MED12L: variants seen among roughly 807,000 people sequenced by gnomAD.
The protein encoded by MED12L is mediator complex subunit 12L.
A neutral mutation model predicts 281.3 loss-of-function variants in MED12L; 60 were observed. The ratio of observed to expected loss-of-function variants is 0.21; its 90% CI spans 0.17 to 0.26. The LOEUF is 0.26. Among genes scored for constraint, MED12L ranks in the 10% least tolerant of loss-of-function variants. The pLI is 1.00. For missense variants in MED12L, 2,146 were observed against 2,680.9 expected, an observed-to-expected ratio of 0.80 and a Z score of 4.41; for synonymous variants, 974 against 987.2, an observed-to-expected ratio of 0.99 and a Z score of 0.25.
intron 16 of MED12L, among the ~76,000 whole-genome samples, chr3:151,251,832 C>T (rs558821917): frequency 3.3e-5 from 5 of 152,240 alleles, no homozygotes; most frequent in South Asian, 2.1e-4. Context: ...TGTGTACTTG[C>T]TTCTCAGTCT....
chr3:151,231,423 A>G (rs4680256), intron 16 of MED12L, among the ~76,000 whole-genome samples: 46,293 of 152,184 alleles, frequency 0.3, 7,173 homozygotes, highest in South Asian at 0.33. Flanking sequence ...TGAATGATCC[A>G]ACTTACCAAA....
chr3:151,248,855 TCTTA>T (rs758365407), intron 16 of MED12L: 5 of 152,172 alleles, frequency 3.3e-5, no homozygotes, highest in Non-Finnish European at 7.3e-5. Flanking sequence ...GATGGAATTT[TCTTA>T]CTTACCAATT....
chr3:151,201,966 G>T (rs574497016), intron 16 of MED12L, among the ~76,000 whole-genome samples: 1 of 152,298 alleles, frequency 6.6e-6, no homozygotes, highest in African/African-American at 2.4e-5. Context: ...GACGTATATG[G>T]TAAAGAGAAG....
chr3:151,385,312 T>A (rs1176845054), intron 36 of MED12L, 121 bp downstream of exon 36: 3 of 586,872 alleles, frequency 5.1e-6, no homozygotes, highest in Non-Finnish European at 5.7e-6. Flanking sequence ...TTAAGGCATA[T>A]GCTTGTCTTC....
intron 39 of MED12L, among the ~76,000 whole-genome samples, chr3:151,407,791 A>G (rs1716500029): frequency 6.6e-6 from 1 of 152,202 alleles, no homozygotes; most frequent in South Asian, 2.1e-4. Flanking sequence ...GGTACACTCA[A>G]AAATTTATGT....
At chr3:151,222,252 A>T (rs530396496) in intron 16 of MED12L, among the ~76,000 whole-genome samples, 3 of 152,314 alleles carry the variant, frequency 2.0e-5, no homozygotes, top group African/African-American at 7.2e-5. Flanking sequence ...CTTGTCTGGG[A>T]TGAGACTCTG....
At chr3:151,187,015 T>C (rs1394995641) in intron 12 of MED12L, among the ~76,000 whole-genome samples, 4 of 152,312 alleles carry the variant, frequency 2.6e-5, no homozygotes, top group African/African-American at 9.6e-5. Context: ...AAAAATGAAA[T>C]AGGAAGAACA....
Position 151,436,103 on chromosome 3 carries a change from A to C in MED12L, c.*3299A>C, listed in dbSNP as rs1157378445. The C allele has an allele frequency of 1.3e-5, 2 of 152,278 alleles. No individual in the cohort carries two copies. The highest frequency in any genetic ancestry group is 6.5e-5 in the Admixed American group (1 of 15,290). The allele number at this position is 152,278 out of a possible 1,614,324, so 9.4% of individuals were successfully genotyped here. ...TTTACATGTGGAAAAGTGAGCCTGC[A>C]TTTATTTTTAAATGCAGTTATTAAA... On this transcript the variant is annotated 3_prime_UTR_variant, in exon 45 of 45. Transcript: ENST00000687756.
chr3:151,355,208 CAT>C lies in MED12L; in HGVS notation c.2489_2490del (p.Tyr830PhefsTer2). Reference sequence around the variant, plus strand: ...GTGTTCACTAAACTCCAGCTCCTTTCATATTTTGATCAACATCAAGTGACATC... The same window carrying C: ...GTGTTCACTAAACTCCAGCTCCTTTCATTTTGATCAACATCAAGTGACATC... On this transcript the variant is annotated frameshift_variant, in exon 18 of 45. Coordinates refer to ENST00000687756, the MANE Select transcript of MED12L (RefSeq NM_001393769.1). LOFTEE classifies it high-confidence loss of function. 1 of 1,613,320 alleles carries C rather than the reference CAT, an allele frequency of 6.2e-7. No homozygotes were observed. Among genetic ancestry groups the C allele is most frequent in the East Asian group, 2.2e-5 (1 of 44,824 alleles).
At chr3:151,303,488 C>T (rs1005910641) in intron 16 of MED12L, among the ~76,000 whole-genome samples, 1 of 152,172 alleles carries the variant, frequency 6.6e-6, no homozygotes, top group South Asian at 2.1e-4. Context: ...GTCGGCCATG[C>T]ATGGTGGCTC....
At chr3:151,363,836 A>G (rs1009789719) in intron 21 of MED12L, among the ~76,000 whole-genome samples, 13 of 152,174 alleles carry the variant, frequency 8.5e-5, no homozygotes, top group Admixed American at 8.5e-4. Flanking sequence ...GTGATTCTCA[A>G]GGAATAGAGC....
At chr3:151,279,028 C>T (rs1742370120) in intron 16 of MED12L, among the ~76,000 whole-genome samples, 1 of 152,202 alleles carries the variant, frequency 6.6e-6, no homozygotes. Flanking sequence ...TAGTTCCTTT[C>T]AGGCTCTGTA....
intron 5 of MED12L, among the ~76,000 whole-genome samples, chr3:151,129,793 T>G (rs1054863603): frequency 6.6e-6 from 1 of 151,384 alleles, no homozygotes; most frequent in Admixed American, 6.6e-5. Flanking sequence ...TTTTTAGAGG[T>G]GGGGGGTCTC....
intron 16 of MED12L, among the ~76,000 whole-genome samples, chr3:151,315,826 C>T (rs545932247): frequency 3.9e-5 from 6 of 152,234 alleles, no homozygotes; most frequent in African/African-American, 1.4e-4. Context: ...GCAGATTCAA[C>T]TTGAGAATGT....
intron 16 of MED12L, among the ~76,000 whole-genome samples, chr3:151,226,269 T>G (rs1175519421): frequency 6.6e-6 from 1 of 152,118 alleles, no homozygotes; most frequent in Non-Finnish European, 1.5e-5. Flanking sequence ...GAAGGAGTTT[T>G]GGGGTGAGAG....
chr3:151,156,444 A>G, intron 6 of MED12L, 114 bp downstream of exon 6: 1 of 987,284 alleles, frequency 1.0e-6, no homozygotes, highest in Non-Finnish European at 1.4e-6. Flanking sequence ...AATACATTCA[A>G]AGAAAGCAGT....
intron 8 of MED12L, among the ~76,000 whole-genome samples, chr3:151,162,934 G>A (rs951614491): frequency 1.3e-5 from 2 of 152,126 alleles, no homozygotes; most frequent in African/African-American, 4.8e-5. Context: ...TTACTTCATT[G>A]CCTCATAGGG....
intron 16 of MED12L, among the ~76,000 whole-genome samples, chr3:151,247,962 CTTTTTT>C (rs61102632): frequency 5.7e-4 from 43 of 75,908 alleles, no homozygotes; most frequent in South Asian, 2.0e-3. Context: ...TCTTCTTCTT[CTTTTTT>C]TTTTTTTTTT....
At chr3:151,292,122 C>T (rs1744328328) in intron 16 of MED12L, among the ~76,000 whole-genome samples, 1 of 152,052 alleles carries the variant, frequency 6.6e-6, no homozygotes, top group Non-Finnish European at 1.5e-5. Flanking sequence ...CTGAATGGAG[C>T]CAGTTGATGC....
Sources: allele counts gnomAD v4.1 joint callset (sites outside exome capture counted in the v4.1 genomes callset), GRCh38; gene constraint gnomAD v4.1.1; transcripts MANE v1.5; gene names NCBI Gene and HGNC (gene_info 2026-07-23, HGNC 2026-07-21).